XPA: variants seen among roughly 807,000 people sequenced by gnomAD.
The protein encoded by XPA is DNA repair protein complementing XP-A cells.
Under a neutral mutation model 35.7 loss-of-function variants are expected in XPA, and 27 were observed. That is an observed-to-expected ratio of 0.76 (90% CI 0.56 to 1.04). The LOEUF is 1.04. XPA is among the 50% of genes least tolerant of loss of function. The probability of loss-of-function intolerance (pLI) is 0.00; values close to 1 mark genes in which losing one functional copy is unlikely to be tolerated. For synonymous variants in XPA, 133 were observed against 118.4 expected, an observed-to-expected ratio of 1.12 and a Z score of -0.80; for missense variants, 354 against 342.7, an observed-to-expected ratio of 1.03 and a Z score of -0.26.
chr9:97,682,120 T>G, intron 5 of XPA: 1 of 372,862 alleles, frequency 2.7e-6, no homozygotes, highest in South Asian at 2.1e-5. Flanking sequence ...ACTGTAAAAT[T>G]CTTTTTGGTA....
At chr9:97,678,878 C>T (rs1828453652) in intron 5 of XPA, among the ~76,000 whole-genome samples, 2 of 152,094 alleles carry the variant, frequency 1.3e-5, no homozygotes, top group Non-Finnish European at 2.9e-5. Flanking sequence ...GAAACTGCCC[C>T]AAGTGAGAAG....
downstream of XPA, chr9:97,671,764 A>G (rs1173900896): frequency 6.6e-6 from 1 of 152,258 alleles, no homozygotes; most frequent in African/African-American, 2.4e-5. Context: ...CTTGTTAGTA[A>G]TAAAAGTGTT....
chr9:97,659,745 G>A, the XPA span, among the ~76,000 whole-genome samples: 103,816 of 152,036 alleles, frequency 0.68, 35,961 homozygotes, highest in African/African-American at 0.78. Context: ...ATGATAAGGT[G>A]TAGTCTTTGC....
At chr9:97,680,463 C>G (rs916440864) in intron 5 of XPA, among the ~76,000 whole-genome samples, 13 of 152,164 alleles carry the variant, frequency 8.5e-5, no homozygotes, top group African/African-American at 2.9e-4. Context: ...CCCGCCTCGG[C>G]CTCCTGAAGT....
At chr9:97,655,059 T>A in the XPA span, 1 of 835,998 alleles carries the variant, frequency 1.2e-6, no homozygotes, top group Non-Finnish European at 1.8e-6. Flanking sequence ...TTTTCTTGCC[T>A]CCCAAAATAA....
chr9:97,690,309 C>G (rs1828847840), intron 2 of XPA, among the ~76,000 whole-genome samples: 1 of 152,264 alleles, frequency 6.6e-6, no homozygotes, highest in African/African-American at 2.4e-5. Flanking sequence ...CTCTCGGGTT[C>G]AAGCGATTCT....
chr9:97,685,507 GAT>G (rs1828689607), intron 4 of XPA, among the ~76,000 whole-genome samples: 1 of 152,102 alleles, frequency 6.6e-6, no homozygotes, highest in Admixed American at 6.5e-5. Flanking sequence ...TGATCTGCAG[GAT>G]ATATTTTTTT....
intron 5 of XPA, 58 bp downstream of exon 5, chr9:97,684,865 A>G (rs1828662360): frequency 6.3e-6 from 9 of 1,421,192 alleles, no homozygotes. Flanking sequence ...ATCTAGCTAA[A>G]GGCTTTTTGC....
downstream of XPA, among the ~76,000 whole-genome samples, chr9:97,670,785 C>CGTAATA (rs1460233077): frequency 2.6e-5 from 4 of 152,016 alleles, no homozygotes; most frequent in Non-Finnish European, 4.4e-5. Flanking sequence ...GAGCCTAGTC[C>CGTAATA]GTAATAGTAC....
At position 97,684,900 on chromosome 9, in the gene XPA, C is replaced by T. The variant is rs535615101; in HGVS notation, c.673+23G>A. On this transcript the variant is annotated intron_variant, in intron 5 of 5. Transcript: ENST00000375128. ...CAAAATGGTAAAACACAATCCTTCACGATATAAAATGTGGCCATCTACCTT... is the reference window on the plus strand; with the variant it reads ...CAAAATGGTAAAACACAATCCTTCATGATATAAAATGTGGCCATCTACCTT... The T allele has an allele frequency of 4.4e-4, 689 of 1,574,998 alleles. 8 individuals are homozygous for T. In the South Asian group the frequency reaches 6.9e-3, roughly 16 times the overall value.
rs758663470 is a variant in XPA at position 97,693,707 on chromosome 9, G to C, written c.225C>G (p.Phe75Leu). ...CTTCTTCTTCTTCCTCTTCTAAAAT[G>C]AAGCCTCCTCCTGTGTCAATTATCT... is the stretch of plus-strand genomic sequence containing the variant. ...APKIIDTGGG[F>L]ILEEEEEEEQ... The change falls in exon 2 of 6, where the codon TTC (phenylalanine) becomes TTG (leucine). Residue 75 changes from phenylalanine (F) to leucine (L), a missense_variant. Coordinates refer to ENST00000375128, the MANE Select transcript of XPA (RefSeq NM_000380.4). The C allele has an allele frequency of 1.2e-6, 2 of 1,613,450 alleles. No individual in the cohort carries two copies. The highest frequency in any genetic ancestry group is 2.2e-5 in the South Asian group (2 of 91,076).
intron 5 of XPA, chr9:97,676,056 G>C: frequency 5.5e-6 from 1 of 180,338 alleles, no homozygotes. Context: ...AGAAAGTAGA[G>C]AACTCTACCA....
chr9:97,666,738 T>A, the XPA span: 1 of 1,461,990 alleles, frequency 6.8e-7, no homozygotes, highest in Non-Finnish European at 9.4e-7. Flanking sequence ...TGACATACAG[T>A]AACCAAATGC....
At chr9:97,681,475 AC>A (rs772549641) in intron 5 of XPA, among the ~76,000 whole-genome samples, 6 of 152,082 alleles carry the variant, frequency 3.9e-5, no homozygotes, top group Non-Finnish European at 7.4e-5. Context: ...CAAACTTGGG[AC>A]CCCCATAAGA....
chr9:97,660,530 C>T, the XPA span, among the ~76,000 whole-genome samples: 64 of 152,084 alleles, frequency 4.2e-4, no homozygotes, highest in African/African-American at 1.3e-3. Flanking sequence ...TCCACGGTCC[C>T]GAGGAAAGAA....
chr9:97,657,961 A>T, the XPA span, among the ~76,000 whole-genome samples: 2 of 131,418 alleles, frequency 1.5e-5, no homozygotes, highest in East Asian at 4.4e-4. Context: ...CCAGCCATTC[A>T]TTGAGCATTC....
the XPA span, chr9:97,668,861 G>A: frequency 3.6e-5 from 58 of 1,612,246 alleles, no homozygotes; most frequent in Non-Finnish European, 4.2e-5. Flanking sequence ...TGATGATGAC[G>A]ACAGAAGCAG....
the XPA span, chr9:97,655,630 T>TTA: frequency 7.9e-7 from 1 of 1,264,420 alleles, no homozygotes; most frequent in Non-Finnish European, 1.1e-6. Flanking sequence ...GTTTGAAGGC[T>TTA]TATATAAGTT....
intron 5 of XPA, among the ~76,000 whole-genome samples, chr9:97,676,863 C>T (rs1828382772): frequency 1.3e-5 from 2 of 152,146 alleles, no homozygotes; most frequent in African/African-American, 4.8e-5. Flanking sequence ...AATGTTCATC[C>T]AAACTCTTCA....
Sources: gnomAD v4.1 joint callset for allele counts (sites outside exome capture counted in the v4.1 genomes callset) on GRCh38, gnomAD v4.1.1 for gene constraint, MANE v1.5 for transcripts, NCBI Gene and HGNC (gene_info 2026-07-23, HGNC 2026-07-21) for gene names.